Variants in PVR observed in about 807,000 individuals in gnomAD.
The protein encoded by PVR is PVR cell adhesion molecule.
In PVR, 39 loss-of-function variants were observed where a neutral mutation model predicts 43.3. That is an observed-to-expected ratio of 0.90 (90% CI 0.70 to 1.18). The LOEUF (loss-of-function observed/expected upper bound fraction) is 1.18. Among genes scored for constraint, PVR ranks in the 50% most tolerant of loss-of-function variants. The pLI is 0.00. For synonymous variants in PVR, 224 were observed against 233.2 expected, an observed-to-expected ratio of 0.96 and a Z score of 0.36; for missense variants, 480 against 549.7, an observed-to-expected ratio of 0.87 and a Z score of 1.27.
intron 7 of PVR, 118 bp from the exon 8 acceptor site, chr19:44,661,622 C>T (rs1237861244): frequency 1.1e-6 from 1 of 920,060 alleles, no homozygotes; most frequent in East Asian, 2.6e-5. Flanking sequence ...ACTGCCCTGG[C>T]TTCCAGGGAG....
intron 1 of PVR, among the ~76,000 whole-genome samples, chr19:44,645,202 GTA>G (rs1270523427): frequency 4.1e-5 from 3 of 73,872 alleles, no homozygotes; most frequent in Non-Finnish European, 4.9e-5. Flanking sequence ...TATATAATAT[GTA>G]TATTATATAT....
chr19:44,660,093 C>T (rs924138387), intron 6 of PVR, among the ~76,000 whole-genome samples: 7 of 152,170 alleles, frequency 4.6e-5, no homozygotes, highest in Admixed American at 2.0e-4. Flanking sequence ...GGGTCATCAC[C>T]GTGGGGGACT....
chr19:44,652,034 G>A (rs561883653), intron 3 of PVR, among the ~76,000 whole-genome samples: 161 of 152,222 alleles, frequency 1.1e-3, no homozygotes, highest in African/African-American at 3.7e-3. Flanking sequence ...GCGGGTGCCT[G>A]TAATCCCAGC....
chr19:44,651,127 C>T (rs1421206571), intron 3 of PVR, among the ~76,000 whole-genome samples: 1 of 152,166 alleles, frequency 6.6e-6, no homozygotes, highest in Non-Finnish European at 1.5e-5. Context: ...CTCAGTCTCC[C>T]GAAGTGCTGA....
intron 1 of PVR, among the ~76,000 whole-genome samples, chr19:44,646,460 A>G (rs1401179644): frequency 6.6e-6 from 1 of 152,122 alleles, no homozygotes; most frequent in Admixed American, 6.6e-5. Context: ...AACCTACGAC[A>G]CTGGTGCGAT....
rs1449674735 is a variant in PVR at position 44,645,183 on chromosome 19, T to A, written c.79+1008T>A. ...ATATGTATATTATATATTATATATATTATTATAATATATAATATGTATATT... is the reference window on the plus strand; with the variant it reads ...ATATGTATATTATATATTATATATAATATTATAATATATAATATGTATATT... On this transcript the variant is annotated intron_variant, in intron 1 of 7. Coordinates refer to ENST00000425690, the MANE Select transcript of PVR (RefSeq NM_006505.5). 2.1e-3 allele frequency among the ~76,000 whole-genome samples: 179 copies of A among 85,498 alleles called. 13 individuals carry two copies. The highest frequency in any genetic ancestry group is 8.6e-3 in the African/African-American group (170 of 19,698). 56.1% of individuals were successfully genotyped at this position (85,498 alleles called of 152,430 possible).
At position 44,657,541 on chromosome 19, in the gene PVR, G is replaced by A. The variant is rs187823206; in HGVS notation, c.843-221G>A. ...AGGGAGGTACCGTGGAAGCCCTGAG[G>A]AGAGGTGGGATTCTGGATGGATCTT... On this transcript the variant is annotated intron_variant, in intron 4 of 7. Coordinates refer to ENST00000425690, the MANE Select transcript of PVR (RefSeq NM_006505.5). Among the ~76,000 whole-genome samples, 10 of 152,328 alleles carry A rather than the reference G, an allele frequency of 6.6e-5. No individual in the cohort carries two copies. The East Asian group carries it at 1.9e-3, about 29-fold the overall frequency.
rs1973687939 is a variant in PVR, at chr19:44,665,403, T to A, written c.*3592T>A. 1 of 151,942 alleles carries A rather than the reference T, an allele frequency of 6.6e-6. No individual in the cohort carries two copies. The highest frequency in any genetic ancestry group is 1.5e-5 in the Non-Finnish European group (1 of 68,024). 9.4% of individuals were successfully genotyped at this position (151,942 alleles called of 1,614,324 possible). On this transcript the variant is annotated 3_prime_UTR_variant, in exon 8 of 8. Coordinates refer to ENST00000425690, the MANE Select transcript of PVR (RefSeq NM_006505.5). ...GGCTCACGCCTGTAATCCCAGCACT[T>A]TGGGAGGCTGCAGCGGGTGGATCAC...
rs1190929295 is a variant in PVR, at chr19:44,652,927, C to T, written c.725-973C>T. Among the ~76,000 whole-genome samples the T allele has an allele frequency of 4.0e-5, 6 of 151,884 alleles. No individual in the cohort carries two copies. The East Asian group carries it at 1.2e-3, about 29-fold the overall frequency. On this transcript the variant is annotated intron_variant, in intron 3 of 7. Coordinates refer to ENST00000425690, the MANE Select transcript of PVR (RefSeq NM_006505.5). ...TGAGATCTTTCCCATTTATTTTGTC[C>T]TAGTAAAGCCTTTGAAATCTGGTGT... is the stretch of plus-strand genomic sequence containing the variant.
Position 44,647,519 on chromosome 19 carries a change from G to C in PVR, c.376G>C (p.Val126Leu), listed in dbSNP as rs138482699. ...EDEGNYTCLF[V>L]TFPQGSRSVD... ...TGAAGGCAACTACACCTGCCTGTTC[G>C]TCACGTTCCCGCAGGGCAGCAGGAG... The change falls in exon 2 of 8, where the codon GTC becomes CTC. Residue 126 changes from valine (V) to leucine (L), a missense_variant. By Grantham distance (32) the Val-to-Leu change is conservative. Transcript: ENST00000425690. 28 of 1,614,036 alleles carry C rather than the reference G, an allele frequency of 1.7e-5. No homozygotes were observed. In the East Asian group the frequency reaches 2.7e-4, roughly 15 times the overall value.
intron 5 of PVR, among the ~76,000 whole-genome samples, chr19:44,658,164 C>G (rs375743297): frequency 6.6e-6 from 1 of 152,274 alleles, no homozygotes; most frequent in South Asian, 2.1e-4. Context: ...TCAGGCCTTT[C>G]CAAATATATT....
intron 1 of PVR, 149 bp from the exon 2 acceptor site, chr19:44,647,074 A>AC: frequency 4.1e-5 from 1 of 24,322 alleles, no homozygotes; most frequent in South Asian, 4.8e-4. Context: ...CTAGTGCCCC[A>AC]GTTCCCCCTC....
intron 4 of PVR, among the ~76,000 whole-genome samples, chr19:44,654,454 C>T (rs1170185353): frequency 1.3e-5 from 2 of 152,332 alleles, no homozygotes; most frequent in South Asian, 2.1e-4. Flanking sequence ...CTCTGTTTTG[C>T]GGTTGAGGCG....
chr19:44,657,994 A>T, intron 5 of PVR, 84 bp downstream of exon 5: 1 of 1,428,260 alleles, frequency 7.0e-7, no homozygotes, highest in South Asian at 1.2e-5. Flanking sequence ...TCTGGCTCCC[A>T]TCCTTCTCCT....
chr19:44,661,840 C>G lies in PVR; in HGVS notation c.*29C>G. Reference sequence around the variant, plus strand: ...CGTCGGGACTGAGAGGGGAGAGAGACTGGAGCTGGCAAGGACGTGGGCCTC... The same window carrying G: ...CGTCGGGACTGAGAGGGGAGAGAGAGTGGAGCTGGCAAGGACGTGGGCCTC... On this transcript the variant is annotated 3_prime_UTR_variant, in exon 8 of 8. Transcript: ENST00000425690. 1 of 1,606,944 alleles carries G rather than the reference C, an allele frequency of 6.2e-7. No individual in the cohort carries two copies. Among genetic ancestry groups the G allele is most frequent in the East Asian group, 2.2e-5 (1 of 44,834 alleles).
intron 4 of PVR, among the ~76,000 whole-genome samples, chr19:44,657,506 G>GCGCCAGAGCAGGGAGGTAC (rs1973480547): frequency 6.6e-6 from 1 of 152,210 alleles, no homozygotes; most frequent in South Asian, 2.1e-4. Context: ...GGGATGCACA[G>GCGCCAGAGCAGGGAGGTAC]CGCCAGAGCA....
Position 44,645,413 on chromosome 19 carries a change from G to GTATA in PVR, c.79+1239_79+1240insATAT, listed in dbSNP as rs1278079157. 1.8e-3 allele frequency among the ~76,000 whole-genome samples: 94 copies of GTATA among 52,076 alleles called. 4 individuals are homozygous for GTATA. The highest frequency in any genetic ancestry group is 8.0e-3 in the African/African-American group (89 of 11,078). The allele number at this position is 52,076 out of a possible 152,430, so 34.2% of individuals were successfully genotyped here. A position where few individuals can be genotyped will look rare whatever the true frequency, so the allele number is the denominator to read the frequency against. On this transcript the variant is annotated intron_variant, in intron 1 of 7. Transcript: ENST00000425690. ...ATTTTATTATTTATTTATATGTTTTGTGTATATATATATATATATATATAT... is the reference window on the plus strand; with the variant it reads ...ATTTTATTATTTATTTATATGTTTTGTATATGTATATATATATATATATATATAT...
intron 4 of PVR, 27 bp downstream of exon 4, chr19:44,654,044 G>C (rs749111031): frequency 6.4e-7 from 1 of 1,552,564 alleles, no homozygotes; most frequent in South Asian, 1.1e-5. Context: ...AGGGAGGAGG[G>C]GCTGGGGGTC....
chr19:44,661,843 G>A lies in PVR; in HGVS notation c.*32G>A, dbSNP rs1227936274. On this transcript the variant is annotated 3_prime_UTR_variant, in exon 8 of 8. Coordinates refer to ENST00000425690, the MANE Select transcript of PVR (RefSeq NM_006505.5). ...CGGGACTGAGAGGGGAGAGAGACTG[G>A]AGCTGGCAAGGACGTGGGCCTCCAG... is the stretch of plus-strand genomic sequence containing the variant. The A allele has an allele frequency of 6.2e-7, 1 of 1,604,872 alleles. No individual in the cohort carries two copies. The highest frequency in any genetic ancestry group is 8.5e-7 in the Non-Finnish European group (1 of 1,172,658).
Sources: allele counts gnomAD v4.1 joint callset (sites outside exome capture counted in the v4.1 genomes callset), GRCh38; gene constraint gnomAD v4.1.1; transcripts MANE v1.5; gene names NCBI Gene and HGNC (gene_info 2026-07-23, HGNC 2026-07-21).